ABCF1: variants seen among roughly 807,000 people sequenced by gnomAD.
ABCF1 encodes the protein ATP-binding cassette sub-family F member 1.
ABCF1 carries 73 observed loss-of-function variants against 126.3 expected under a neutral mutation model. That is an observed-to-expected ratio of 0.58 (90% CI 0.48 to 0.70). The LOEUF (loss-of-function observed/expected upper bound fraction) is 0.70. Among genes scored for constraint, ABCF1 ranks in the 30% least tolerant of loss-of-function variants. The pLI is 0.00. For synonymous variants in ABCF1, 345 were observed against 396.4 expected, an observed-to-expected ratio of 0.87 and a Z score of 1.54; for missense variants, 786 against 1,057.5, an observed-to-expected ratio of 0.74 and a Z score of 3.56.
chr6:30,584,571 G>C lies in ABCF1; in HGVS notation c.1391+5G>C. On this transcript the variant is annotated splice_donor_5th_base_variant and intron_variant, in intron 14 of 24. Coordinates refer to ENST00000326195, the MANE Select transcript of ABCF1 (RefSeq NM_001025091.2). The surrounding 1 kb of genome is among the most constrained non-coding windows in gnomAD (Gnocchi z 4.6). The stretch of plus-strand genomic sequence containing the variant: ...CATGCGTGTCTCCCTGGCCAGGTGG[G>C]CCATTCACCTCACTGCCCTCCCTTC... 6.3e-7 allele frequency: 1 copy of C among 1,588,618 alleles called. No homozygotes were observed. The highest frequency in any genetic ancestry group is 8.6e-7 in the Non-Finnish European group (1 of 1,167,436).
In ABCF1 at chr6:30,584,214, A is replaced by G; in HGVS notation, c.1125A>G (p.Pro375=). The stretch of plus-strand genomic sequence containing the variant: ...CAGAGGTGGTAGCAGATGAGACACC[A>G]GCAGTCCAGGCTGTTCTTCGAGCTG... ...CEQEVVADET[P]AVQAVLRADT... The change falls in exon 13 of 25, where the codon CCA becomes CCG. Residue 375 remains proline, a synonymous_variant. Transcript: ENST00000326195. The surrounding 1 kb of genome is among the most constrained non-coding windows in gnomAD (Gnocchi z 4.6). The G allele has an allele frequency of 6.2e-7, 1 of 1,612,758 alleles. No homozygotes were observed. The highest frequency in any genetic ancestry group is 1.1e-5 in the South Asian group (1 of 91,064).
In ABCF1 at chr6:30,578,040, G is replaced by T. The variant is rs1801595146; in HGVS notation, c.217-36G>T. 3 of 1,613,778 alleles carry T rather than the reference G, an allele frequency of 1.9e-6. No homozygotes were observed. The East Asian group carries it at 6.7e-5, about 36-fold the overall frequency. On this transcript the variant is annotated intron_variant, in intron 3 of 24. Coordinates refer to ENST00000326195, the MANE Select transcript of ABCF1 (RefSeq NM_001025091.2). Reference sequence around the variant, plus strand: ...GAGGCAGAAATACAGCAGGGGCCTGGGCTTCATTTTCTCACTGTTCTTTTG... The same window carrying T: ...GAGGCAGAAATACAGCAGGGGCCTGTGCTTCATTTTCTCACTGTTCTTTTG...
chr6:30,586,638 C>T lies in ABCF1; in HGVS notation c.1961-3C>T, dbSNP rs1187420055. The T allele has an allele frequency of 6.2e-7, 1 of 1,613,576 alleles. No homozygotes were observed. On this transcript the variant is annotated splice_polypyrimidine_tract_variant and splice_region_variant and intron_variant, in intron 19 of 24. Coordinates refer to ENST00000326195, the MANE Select transcript of ABCF1 (RefSeq NM_001025091.2). The surrounding 1 kb of genome is among the most constrained non-coding windows in gnomAD (Gnocchi z 4.9). ...CTTTGACCACCTGTCTTCCATCTTGCAGTTTGCATTGTGGGCCCTAATGGT... is the reference window on the plus strand; with the variant it reads ...CTTTGACCACCTGTCTTCCATCTTGTAGTTTGCATTGTGGGCCCTAATGGT...
intron 21 of ABCF1, 25 bp from the exon 22 acceptor site, chr6:30,589,781 A>T (rs765741386): frequency 7.4e-6 from 12 of 1,613,988 alleles, no homozygotes; most frequent in Non-Finnish European, 1.0e-5. Context: ...ACTTTAACCG[A>T]CCACCTCCCT....
At position 30,571,485 on chromosome 6, in the gene ABCF1, G is replaced by C. The variant is rs969269707; in HGVS notation, c.-3G>C. ...CGCCACAGTAGCTGTAACTGCCACC[G>C]CGATGCCGAAGGCGCCCAAGCAGCA... On this transcript the variant is annotated 5_prime_UTR_variant, in exon 1 of 25. Transcript: ENST00000326195. 1.2e-6 allele frequency: 2 copies of C among 1,609,600 alleles called. No individual in the cohort carries two copies. The highest frequency in any genetic ancestry group is 1.7e-6 in the Non-Finnish European group (2 of 1,178,896).
chr6:30,589,906 C>T lies in ABCF1; in HGVS notation c.2165C>T (p.Ala722Val). The stretch of plus-strand genomic sequence containing the variant: ...GGCTTCAACCTGCCCTACCAGGATG[C>T]CCGCAAGTGCCTGGGCCGCTTCGGC... ...QRGFNLPYQD[A>V]RKCLGRFGLE... is the part of the protein sequence containing the mutation. Residue 722 changes from alanine (A) to valine (V), a missense_variant, in exon 22 of 25, where the codon GCC becomes GTC. This residue lies in a region of ABCF1 where 288 missense variants were observed against 423.5 expected (regional missense o/e 0.68). Transcript: ENST00000326195. The T allele has an allele frequency of 6.2e-7, 1 of 1,614,174 alleles. No homozygotes were observed. The highest frequency in any genetic ancestry group is 1.1e-5 in the South Asian group (1 of 91,084).
rs1370178371 is a variant in ABCF1 at position 30,578,097 on chromosome 6, C to G, written c.238C>G (p.Arg80Gly). 6.2e-7 allele frequency: 1 copy of G among 1,613,964 alleles called. No individual in the cohort carries two copies. The highest frequency in any genetic ancestry group is 1.7e-5 in the Admixed American group (1 of 59,982). Residue 80 changes from arginine to glycine, a missense_variant, in exon 4 of 25, where the codon CGA (arginine) becomes GGA (glycine). Transcript: ENST00000326195. ...QQQQKKKRDT[R>G]KGRRKKDVDD... ...GCAGCAAAAAAAAAAGCGAGATACC[C>G]GAAAAGGCAGGCGGAAGAAGGATGT...
Position 30,590,180 on chromosome 6 carries a change from G to T in ABCF1, c.2265G>T (p.Glu755Asp), listed in dbSNP as rs779623740. ...AGAAGGCGCGAGTTGTGTTTGCTGAGCTGGCCTGTCGGGAACCTGATGTCC... is the reference window on the plus strand; with the variant it reads ...AGAAGGCGCGAGTTGTGTTTGCTGATCTGGCCTGTCGGGAACCTGATGTCC... Reference protein sequence around the residue: ...GGQKARVVFAELACREPDVLI... With the variant: ...GGQKARVVFADLACREPDVLI... The change falls in exon 23 of 25, where the codon GAG becomes GAT. Residue 755 changes from glutamate (E) to aspartate (D), a missense_variant. Glu to Asp is a conservative substitution (Grantham distance 45). Coordinates refer to ENST00000326195, the MANE Select transcript of ABCF1 (RefSeq NM_001025091.2). 1.2e-6 allele frequency: 2 copies of T among 1,612,990 alleles called. No homozygotes were observed. The highest frequency in any genetic ancestry group is 1.7e-6 in the Non-Finnish European group (2 of 1,180,038).
chr6:30,589,092 G>A (rs1802303554), intron 20 of ABCF1, among the ~76,000 whole-genome samples: 1 of 152,048 alleles, frequency 6.6e-6, no homozygotes, highest in African/African-American at 2.4e-5. Flanking sequence ...TCCACCTCCT[G>A]GGTTAAAACC....
At chr6:30,587,249 CAAAAA>C (rs9278735) in intron 20 of ABCF1, among the ~76,000 whole-genome samples, 2 of 139,128 alleles carry the variant, frequency 1.4e-5, no homozygotes, top group Non-Finnish European at 3.1e-5. Flanking sequence ...GACTCCATCT[CAAAAA>C]AAAAAAAAAA....
In ABCF1 at chr6:30,582,120, G is replaced by A. The variant is rs190597685; in HGVS notation, c.679-274G>A. The stretch of plus-strand genomic sequence containing the variant: ...CACCCAGGCTGGAGTGCAGTGGCAC[G>A]ATCTCGGCTCACTGCAAGCTCCTCC... On this transcript the variant is annotated intron_variant, in intron 8 of 24. Coordinates refer to ENST00000326195, the MANE Select transcript of ABCF1 (RefSeq NM_001025091.2). 2.0e-5 allele frequency among the ~76,000 whole-genome samples: 3 copies of A among 151,570 alleles called. No homozygotes were observed. In the East Asian group the frequency reaches 5.8e-4, roughly 29 times the overall value.
At position 30,586,710 on chromosome 6, in the gene ABCF1, C is replaced by T. The variant is rs762848174; in HGVS notation, c.2030C>T (p.Pro677Leu). ...CTGCTGCTGACTGGCAAGCTGACAC[C>T]GGTGAGTCCTGGAGCCAAGGAGGGA... is the stretch of plus-strand genomic sequence containing the variant. ...LLLLLTGKLT[P>L]THGEMRKNHR... The change falls in exon 20 of 25, where the codon CCG (proline) becomes CTG (leucine). Residue 677 changes from proline to leucine, a missense_variant and splice_region_variant. Physicochemically the swap from Pro to Leu is moderately conservative, Grantham distance 98. Around this residue, in one of 4 missense-constraint regions of ABCF1, gnomAD observed 288 missense variants for 423.5 expected, o/e 0.68. Coordinates refer to ENST00000326195, the MANE Select transcript of ABCF1 (RefSeq NM_001025091.2). The surrounding 1 kb of genome is among the most constrained non-coding windows in gnomAD (Gnocchi z 4.9). 70 of 1,613,638 alleles carry T rather than the reference C, an allele frequency of 4.3e-5. No individual in the cohort carries two copies. The highest frequency in any genetic ancestry group is 5.3e-5 in the Non-Finnish European group (63 of 1,180,002).
intron 24 of ABCF1, 69 bp downstream of exon 24, chr6:30,590,447 G>A: frequency 6.4e-7 from 1 of 1,574,748 alleles, no homozygotes; most frequent in South Asian, 1.2e-5. Flanking sequence ...CTTCACTACA[G>A]AAGGGCCTAG....
At chr6:30,575,515 T>G (rs1331173844) in intron 1 of ABCF1, among the ~76,000 whole-genome samples, 2 of 150,966 alleles carry the variant, frequency 1.3e-5, no homozygotes, top group African/African-American at 4.9e-5. Context: ...GGGGAGGGAG[T>G]TGGACATGGT....
chr6:30,578,387 T>A lies in ABCF1; in HGVS notation c.381+2T>A, dbSNP rs774632441. The stretch of plus-strand genomic sequence containing the variant: ...CCCCGCGGAGGGAAGAAAACCAAGG[T>A]AAGCCATCTGTGTGGTAAACGGAGA... On this transcript the variant is annotated splice_donor_variant, in intron 5 of 24. Coordinates refer to ENST00000326195, the MANE Select transcript of ABCF1 (RefSeq NM_001025091.2). LOFTEE classifies it high-confidence loss of function. 10 of 1,613,950 alleles carry A rather than the reference T, an allele frequency of 6.2e-6. No homozygotes were observed. Among genetic ancestry groups the A allele is most frequent in the Non-Finnish European group, 8.5e-6 (10 of 1,180,016 alleles).
chr6:30,582,423 A>G lies in ABCF1; in HGVS notation c.708A>G (p.Glu236=), dbSNP rs1801871333. The change falls in exon 9 of 25, where the codon GAA becomes GAG. Residue 236 remains glutamate, a synonymous_variant. Transcript: ENST00000326195. ...CAGAGGAAGAAGGAGAAGGGGAAGAAGAGGAGGAGGAAGGAGGAGAGTCTA... is the reference window on the plus strand; with the variant it reads ...CAGAGGAAGAAGGAGAAGGGGAAGAGGAGGAGGAGGAAGGAGGAGAGTCTA... The part of the protein sequence containing the change: ...QGSEEEGEGE[E]EEEEGGESKA... The G allele has an allele frequency of 6.2e-7, 1 of 1,610,818 alleles. No individual in the cohort carries two copies. Among genetic ancestry groups the G allele is most frequent in the Non-Finnish European group, 8.5e-7 (1 of 1,178,270 alleles).
chr6:30,585,431 C>A, intron 15 of ABCF1, 88 bp downstream of exon 15: 1 of 1,581,384 alleles, frequency 6.3e-7, no homozygotes, highest in Non-Finnish European at 8.7e-7. Context: ...CCCTTCTCCA[C>A]TGTGCCTGTG....
intron 22 of ABCF1, 30 bp from the exon 23 acceptor site, chr6:30,590,119 T>C: frequency 6.2e-7 from 1 of 1,612,874 alleles, no homozygotes; most frequent in Non-Finnish European, 8.5e-7. Flanking sequence ...AGGTGCTAGG[T>C]GTGACAGCCC....
intron 20 of ABCF1, among the ~76,000 whole-genome samples, chr6:30,589,134 G>A (rs1284850030): frequency 2.0e-5 from 3 of 152,040 alleles, no homozygotes; most frequent in African/African-American, 7.3e-5. Flanking sequence ...GAGTAGCTGG[G>A]ATTATAGGCA....
Sources: gnomAD v4.1 joint callset for allele counts (sites outside exome capture counted in the v4.1 genomes callset) on GRCh38, gnomAD v4.1.1 for gene constraint, gnomAD v4.1.1 regional missense constraint, Gnocchi (gnomAD v3.1) non-coding constraint, MANE v1.5 for transcripts, NCBI Gene and HGNC (gene_info 2026-07-23, HGNC 2026-07-21) for gene names.